CASK: variants seen among roughly 807,000 people sequenced by gnomAD.
CASK encodes peripheral plasma membrane protein CASK.
In CASK, 4 loss-of-function variants were observed where a neutral mutation model predicts 82.9. The observed-to-expected ratio is 0.05, with a 90% CI of 0.02 to 0.11. The LOEUF is 0.11. CASK is among the 10% of genes least tolerant of loss of function. The pLI, the probability that CASK is intolerant of heterozygous loss-of-function variation, is 1.00. For synonymous variants in CASK, 259 were observed against 253.5 expected, an observed-to-expected ratio of 1.02 and a Z score of -0.20; for missense variants, 358 against 720.9, an observed-to-expected ratio of 0.50 and a Z score of 5.76.
intron 3 of CASK, among the ~76,000 whole-genome samples, chrX:41,776,255 C>T (rs146802238): frequency 8.9e-6 from 1 of 111,911 alleles, no homozygotes; most frequent in African/African-American, 3.2e-5. Context: ...GCTATGATAC[C>T]ACTAGTCGAT....
At chrX:41,711,445 CAT>C (rs1380888226) in intron 5 of CASK, among the ~76,000 whole-genome samples, 1 of 111,448 alleles carries the variant, frequency 9.0e-6, no homozygotes, top group African/African-American at 3.3e-5. Context: ...CTCACAGAAA[CAT>C]GTGGTTTGGG....
chrX:41,560,700 G>A (rs1432255962), intron 17 of CASK, among the ~76,000 whole-genome samples: 10 of 105,648 alleles, frequency 9.5e-5, no homozygotes, highest in African/African-American at 3.4e-4. Context: ...AGACCAGCCT[G>A]GCCAACATGG....
rs59931187 is a variant in CASK, at chrX:41,818,145, C to CTGTGTGTG, written c.173-30870_173-30863dup. ...CCCAATAAAAATCCCAGGAGGCCTTCTGTGTGTGTGTGTGTGTGTGTGTGT... is the reference window on the plus strand; with the variant it reads ...CCCAATAAAAATCCCAGGAGGCCTTCTGTGTGTGTGTGTGTGTGTGTGTGTGTGTGTGT... On this transcript the variant is annotated intron_variant, in intron 2 of 26. Transcript: ENST00000378163. Among the ~76,000 whole-genome samples the CTGTGTGTG allele has an allele frequency of 7.1e-3, 603 of 85,408 alleles. 5 individuals are homozygous for CTGTGTGTG. The highest frequency in any genetic ancestry group is 0.01 in the African/African-American group (230 of 22,346). 74.2% of individuals were successfully genotyped at this position (85,408 alleles called of 115,157 possible). A position where few individuals can be genotyped will look rare whatever the true frequency, so the allele number is the denominator to read the frequency against.
At chrX:41,546,823 G>C (rs1441962718) in intron 21 of CASK, among the ~76,000 whole-genome samples, 4 of 112,187 alleles carry the variant, frequency 3.6e-5, no homozygotes, top group Non-Finnish European at 7.5e-5. Flanking sequence ...GAAACACTTT[G>C]TAACACTAAA....
In CASK at chrX:41,665,403, C is replaced by T. The variant is rs774107615; in HGVS notation, c.582G>A (p.Glu194=). 7.0e-5 allele frequency: 84 copies of T among 1,208,084 alleles called. No individual in the cohort carries two copies. The highest frequency in any genetic ancestry group is 8.8e-5 in the Non-Finnish European group (79 of 893,778). The change falls in exon 7 of 27, where the codon GAG becomes GAA. Residue 194 remains glutamate, a synonymous_variant. Coordinates refer to ENST00000378163, the MANE Select transcript of CASK (RefSeq NM_001367721.1). ...AGACGTCTACAGGCTTTCCGTAAGG[C>T]TCTCTTTTGACCACTTCTGGTGCCA... ...HFMAPEVVKR[E]PYGKPVDVWG...
In CASK at chrX:41,751,050, C is replaced by T. The variant is rs146663358; in HGVS notation, c.279-5449G>A. Among the ~76,000 whole-genome samples the T allele has an allele frequency of 9.0e-3, 1,007 of 112,185 alleles. 9 individuals are homozygous for T. Among genetic ancestry groups the T allele is most frequent in the African/African-American group, 0.031 (961 of 30,875 alleles). On this transcript the variant is annotated intron_variant, in intron 3 of 26. Coordinates refer to ENST00000378163, the MANE Select transcript of CASK (RefSeq NM_001367721.1). Reference sequence around the variant, plus strand: ...TTTCTGAGGATGACAAAAACGCCAACTACAAAAACTGTATGAAATGTTTAA... The same window carrying T: ...TTTCTGAGGATGACAAAAACGCCAATTACAAAAACTGTATGAAATGTTTAA...
intron 3 of CASK, among the ~76,000 whole-genome samples, chrX:41,750,492 G>A (rs1166727566): frequency 9.0e-6 from 1 of 111,659 alleles, no homozygotes; most frequent in Non-Finnish European, 1.9e-5. Flanking sequence ...TCCATTCTGA[G>A]GGAATGAAAG....
At chrX:41,725,813 C>T (rs1204723175) in intron 5 of CASK, among the ~76,000 whole-genome samples, 1 of 112,057 alleles carries the variant, frequency 8.9e-6, no homozygotes, top group South Asian at 3.7e-4. Context: ...GCAAATTACA[C>T]ACAAGGACAC....
At chrX:41,730,668 C>T (rs2068379836) in intron 5 of CASK, among the ~76,000 whole-genome samples, 1 of 110,819 alleles carries the variant, frequency 9.0e-6, no homozygotes, top group South Asian at 3.8e-4. Flanking sequence ...AGGGAGAGTT[C>T]CTGAGATGCA....
intron 8 of CASK, among the ~76,000 whole-genome samples, chrX:41,653,401 G>C (rs761989096): frequency 1.5e-4 from 17 of 112,085 alleles, no homozygotes; most frequent in Non-Finnish European, 2.6e-4. Context: ...TCAGGGAGTT[G>C]GTTCACTGGA....
chrX:41,909,815 T>C (rs1013609898), intron 1 of CASK, among the ~76,000 whole-genome samples: 2 of 111,921 alleles, frequency 1.8e-5, no homozygotes, highest in African/African-American at 6.5e-5. Flanking sequence ...CCATGTTGCC[T>C]GGGCTGGTCT....
chrX:41,899,822 T>C (rs2072335804), intron 1 of CASK, among the ~76,000 whole-genome samples: 1 of 111,635 alleles, frequency 9.0e-6, no homozygotes, highest in Admixed American at 9.5e-5. Flanking sequence ...CATTAGAGTA[T>C]TTTGAATTTA....
chrX:41,554,214 A>G (rs1374661477), intron 20 of CASK, among the ~76,000 whole-genome samples: 1 of 112,376 alleles, frequency 8.9e-6, no homozygotes, highest in African/African-American at 3.2e-5. Flanking sequence ...ATAGGCCTCT[A>G]ATTATAGAAA....
At chrX:41,744,998 T>TA (rs2068663501) in intron 4 of CASK, among the ~76,000 whole-genome samples, 1 of 111,951 alleles carries the variant, frequency 8.9e-6, no homozygotes, top group African/African-American at 3.2e-5. Context: ...GCCTGTATTA[T>TA]AAACCCACGT....
chrX:41,846,312 T>C (rs964139364), intron 2 of CASK, among the ~76,000 whole-genome samples: 44 of 110,700 alleles, frequency 4.0e-4, no homozygotes, highest in African/African-American at 1.4e-3. Flanking sequence ...TTAAATGAGA[T>C]GAGCCAGGCA....
chrX:41,639,439 T>TAAA (rs34791433), intron 8 of CASK, among the ~76,000 whole-genome samples: 3 of 93,182 alleles, frequency 3.2e-5, no homozygotes, highest in African/African-American at 1.2e-4. Flanking sequence ...GATGAGGGTT[T>TAAA]AAAAAAAAAA....
intron 15 of CASK, among the ~76,000 whole-genome samples, chrX:41,570,478 C>T (rs1345093777): frequency 9.0e-6 from 1 of 111,434 alleles, no homozygotes; most frequent in Non-Finnish European, 1.9e-5. Context: ...AAACTATGGC[C>T]ACAATCAGGA....
chrX:41,687,271 T>C (rs1232312523), intron 5 of CASK, among the ~76,000 whole-genome samples: 1 of 112,523 alleles, frequency 8.9e-6, no homozygotes, highest in Non-Finnish European at 1.9e-5. Flanking sequence ...ACTGCAGCAT[T>C]ATTCACATTA....
At chrX:41,685,090 T>G (rs1358880697) in intron 5 of CASK, among the ~76,000 whole-genome samples, 2 of 112,065 alleles carry the variant, frequency 1.8e-5, no homozygotes, top group Admixed American at 1.9e-4. Context: ...TAAAATTACG[T>G]AAAAACAAAA....
Sources: gnomAD v4.1 joint callset for allele counts (sites outside exome capture counted in the v4.1 genomes callset) on GRCh38, gnomAD v4.1.1 for gene constraint, MANE v1.5 for transcripts, NCBI Gene and HGNC (gene_info 2026-07-23, HGNC 2026-07-21) for gene names.